Variants in GALNT12 observed in about 807,000 individuals in gnomAD.
The protein encoded by GALNT12 is polypeptide N-acetylgalactosaminyltransferase 12, also known as UDP-GalNAc:polypeptide N-acetylgalactosaminyltransferase 12.
A neutral mutation model predicts 55.5 loss-of-function variants in GALNT12; 45 were observed. The ratio of observed to expected loss-of-function variants is 0.81; its 90% CI spans 0.64 to 1.04. GALNT12 has a LOEUF of 1.04. GALNT12 is among the 50% of genes least tolerant of loss of function. GALNT12 has a pLI of 0.00. For synonymous variants in GALNT12, 304 were observed against 312.2 expected (o/e 0.97, Z 0.28); for missense variants, 709 against 754.8 (o/e 0.94, Z 0.71).
rs567650484 is a variant in GALNT12 at position 98,813,096 on chromosome 9, G to A, written c.371+5027G>A. On this transcript the variant is annotated intron_variant, in intron 1 of 9. Coordinates refer to ENST00000375011, the MANE Select transcript of GALNT12 (RefSeq NM_024642.5). ...CTTTCCTGAGTCAGAGACCTTTCTG[G>A]GATTCTTCTCCTTCTTCCTGAAATA... Among the ~76,000 whole-genome samples the A allele has an allele frequency of 2.0e-5, 3 of 152,148 alleles. No homozygotes were observed. In the South Asian group the frequency reaches 6.3e-4, roughly 32 times the overall value.
intron 1 of GALNT12, among the ~76,000 whole-genome samples, chr9:98,816,395 A>AG (rs1197781001): frequency 6.6e-6 from 1 of 151,302 alleles, no homozygotes; most frequent in African/African-American, 2.4e-5. Flanking sequence ...AAAAGAAAAA[A>AG]AAAAAAAAAG....
chr9:98,827,155 G>T (rs377028025), intron 3 of GALNT12, among the ~76,000 whole-genome samples: 14 of 152,182 alleles, frequency 9.2e-5, no homozygotes, highest in African/African-American at 3.1e-4. Context: ...AGCTGGAGAA[G>T]GCCCTGTGTC....
intron 4 of GALNT12, among the ~76,000 whole-genome samples, chr9:98,834,798 C>T (rs1226651351): frequency 6.6e-6 from 1 of 152,236 alleles, no homozygotes; most frequent in Non-Finnish European, 1.5e-5. Flanking sequence ...TCTTGCTTCT[C>T]TCTTCTCCTT....
intron 4 of GALNT12, 76 bp from the exon 5 acceptor site, chr9:98,835,173 G>T: frequency 2.0e-6 from 2 of 978,426 alleles, no homozygotes; most frequent in Middle Eastern, 4.2e-4. Context: ...GAAAGGGCTC[G>T]TGGTGGGAAG....
chr9:98,814,531 G>A (rs369715114), intron 1 of GALNT12, among the ~76,000 whole-genome samples: 10 of 152,098 alleles, frequency 6.6e-5, no homozygotes, highest in South Asian at 6.2e-4. Context: ...CCAAAATGGC[G>A]AAACCACGTC....
rs1419382391 is a variant in GALNT12, at chr9:98,807,720, C to T, written c.22C>T (p.Arg8Trp). MWGRTAR[R>W]RCPRELRRGR... ...GCGCATGTGGGGGCGCACGGCGCGG[C>T]GGCGCTGCCCGCGGGAACTGCGGCG... The change falls in exon 1 of 10, where the codon CGG becomes TGG. Residue 8 changes from arginine to tryptophan, a missense_variant. Arg to Trp is a moderately radical substitution (Grantham distance 101). This residue lies in a region of GALNT12 where 110 missense variants were observed against 102.2 expected (regional missense o/e 1.08). Transcript: ENST00000375011. 8 of 1,175,530 alleles carry T rather than the reference C, an allele frequency of 6.8e-6. No homozygotes were observed. In the South Asian group the frequency reaches 8.2e-5, roughly 12 times the overall value. 72.8% of individuals were successfully genotyped at this position (1,175,530 alleles called of 1,614,324 possible).
chr9:98,836,142 C>T (rs1588453097), intron 5 of GALNT12, among the ~76,000 whole-genome samples: 2 of 152,162 alleles, frequency 1.3e-5, no homozygotes, highest in East Asian at 3.8e-4. Context: ...CAAGATTCTG[C>T]TTTTTGTAAC....
Position 98,849,255 on chromosome 9 carries a change from A to G in GALNT12, c.*163A>G, listed in dbSNP as rs568173961. On this transcript the variant is annotated 3_prime_UTR_variant, in exon 10 of 10. Coordinates refer to ENST00000375011, the MANE Select transcript of GALNT12 (RefSeq NM_024642.5). ...GTGAAAGTTGTGTTGGATTTAGTAA[A>G]AATGTGAATAAGCTTTGTACTTATT... The G allele has an allele frequency of 2.9e-6, 2 of 690,298 alleles. No individual in the cohort carries two copies. Among genetic ancestry groups the G allele is most frequent in the Admixed American group, 2.4e-5 (1 of 40,908 alleles). The allele number at this position is 690,298 out of a possible 1,614,324, so 42.8% of individuals were successfully genotyped here.
chr9:98,831,643 A>G, intron 3 of GALNT12, 129 bp from the exon 4 acceptor site: 3 of 1,054,920 alleles, frequency 2.8e-6, no homozygotes, highest in Non-Finnish European at 4.3e-6. Context: ...GAATAAGAGA[A>G]GCAGGTCTTT....
chr9:98,821,071 C>T lies in GALNT12; in HGVS notation c.372-2185C>T, dbSNP rs146536347. ...CAGATGAATCAAGAGTACAGTGGCACGATCTAGGCTCACTACAACCTCCAT... is the reference window on the plus strand; with the variant it reads ...CAGATGAATCAAGAGTACAGTGGCATGATCTAGGCTCACTACAACCTCCAT... On this transcript the variant is annotated intron_variant, in intron 1 of 9. Transcript: ENST00000375011. Among the ~76,000 whole-genome samples the T allele has an allele frequency of 2.5e-3, 374 of 152,246 alleles. 1 individual carries two copies. The highest frequency in any genetic ancestry group is 8.6e-3 in the African/African-American group (359 of 41,544).
At chr9:98,818,081 T>C (rs947689094) in intron 1 of GALNT12, among the ~76,000 whole-genome samples, 4 of 152,174 alleles carry the variant, frequency 2.6e-5, no homozygotes, top group African/African-American at 9.7e-5. Flanking sequence ...CATTTGAGAG[T>C]AAGTTATAGA....
chr9:98,835,444 C>G lies in GALNT12; in HGVS notation c.1035+78C>G. 3 of 874,738 alleles carry G rather than the reference C, an allele frequency of 3.4e-6. No individual in the cohort carries two copies. In the South Asian group the frequency reaches 4.0e-5, roughly 12 times the overall value. The allele number at this position is 874,738 out of a possible 1,614,324, so 54.2% of individuals were successfully genotyped here. On this transcript the variant is annotated intron_variant, in intron 5 of 9. Coordinates refer to ENST00000375011, the MANE Select transcript of GALNT12 (RefSeq NM_024642.5). ...GGAACGATGGGATTTGCTGTAAGAGCCTGGTGGACCCTGAAAGATGATGAC... is the reference window on the plus strand; with the variant it reads ...GGAACGATGGGATTTGCTGTAAGAGGCTGGTGGACCCTGAAAGATGATGAC...
chr9:98,812,082 A>G (rs1362227562), intron 1 of GALNT12, among the ~76,000 whole-genome samples: 1 of 152,226 alleles, frequency 6.6e-6, no homozygotes, highest in Non-Finnish European at 1.5e-5. Flanking sequence ...TTTCCCCAAC[A>G]AAGTTGTGGA....
chr9:98,809,516 G>C (rs1835447762), intron 1 of GALNT12, among the ~76,000 whole-genome samples: 1 of 152,198 alleles, frequency 6.6e-6, no homozygotes, highest in East Asian at 1.9e-4. Flanking sequence ...TGTGATCTCT[G>C]GCAAGCTGCT....
At chr9:98,847,712 C>T (rs867866125) in intron 9 of GALNT12, among the ~76,000 whole-genome samples, 12 of 149,786 alleles carry the variant, frequency 8.0e-5, no homozygotes, top group African/African-American at 2.9e-4. Flanking sequence ...ATATATAAAA[C>T]AAATATATAT....
At chr9:98,848,408 C>G (rs1836468483) in intron 9 of GALNT12, among the ~76,000 whole-genome samples, 1 of 152,122 alleles carries the variant, frequency 6.6e-6, no homozygotes, top group African/African-American at 2.4e-5. Flanking sequence ...AGCAGGAGGT[C>G]ATTAAAGAAG....
chr9:98,831,824 T>A lies in GALNT12; in HGVS notation c.784T>A (p.Trp262Arg). 6.2e-7 allele frequency: 1 copy of A among 1,614,226 alleles called. No homozygotes were observed. ...GTGCCCGGTGATTGATGTGATCGAC[T>A]GGAACACCTTCGAATACCTGGGGAA... ...VVCPVIDVID[W>R]NTFEYLGNSG... The change falls in exon 4 of 10, where the codon TGG becomes AGG. Residue 262 changes from tryptophan (W) to arginine (R), a missense_variant. This residue lies in a region of GALNT12 where 315 missense variants were observed against 288.6 expected (regional missense o/e 1.09). Coordinates refer to ENST00000375011, the MANE Select transcript of GALNT12 (RefSeq NM_024642.5).
At chr9:98,835,122 G>A (rs943635880) in intron 4 of GALNT12, 127 bp from the exon 5 acceptor site, 1 of 781,198 alleles carries the variant, frequency 1.3e-6, no homozygotes. Context: ...GGGGCACAGA[G>A]GTGAAGGCGG....
intron 1 of GALNT12, among the ~76,000 whole-genome samples, chr9:98,817,074 C>T (rs557336793): frequency 6.6e-6 from 1 of 152,274 alleles, no homozygotes; most frequent in African/African-American, 2.4e-5. Flanking sequence ...GATTCACCCG[C>T]CTCGGCCTCC....
Sources: gnomAD v4.1 joint callset for allele counts (sites outside exome capture counted in the v4.1 genomes callset) on GRCh38, gnomAD v4.1.1 for gene constraint, gnomAD v4.1.1 regional missense constraint, MANE v1.5 for transcripts, NCBI Gene and HGNC (gene_info 2026-07-23, HGNC 2026-07-21) for gene names.